Variants in ZFC3H1 observed in about 807,000 individuals in gnomAD.
ZFC3H1 encodes the protein zinc finger C3H1-type containing, also known as zinc finger C3H1 domain-containing protein.
ZFC3H1 carries 71 observed loss-of-function variants against 243.7 expected under a neutral mutation model. The observed-to-expected ratio is 0.29, with a 90% CI of 0.24 to 0.36. The LOEUF (loss-of-function observed/expected upper bound fraction) is 0.36, where lower values mean the gene tolerates loss of function less well. Ranked by LOEUF, ZFC3H1 falls within the 10% of genes least tolerant of loss-of-function variation. ZFC3H1 has a pLI of 1.00. For synonymous variants in ZFC3H1, 838 were observed against 813.0 expected, an observed-to-expected ratio of 1.03 and a Z score of -0.52; for missense variants, 1,966 against 2,317.1, an observed-to-expected ratio of 0.85 and a Z score of 3.11.
chr12:71,644,774 T>C (rs1880685972), intron 4 of ZFC3H1, 103 bp downstream of exon 4: 4 of 1,320,416 alleles, frequency 3.0e-6, no homozygotes, highest in Middle Eastern at 2.7e-4. Context: ...GCAAAGATCA[T>C]GCCACTGTAC....
At chr12:71,646,932 G>A (rs1476975625) in intron 3 of ZFC3H1, among the ~76,000 whole-genome samples, 1 of 152,170 alleles carries the variant, frequency 6.6e-6, no homozygotes, top group Non-Finnish European at 1.5e-5. Context: ...TAATTCCTAT[G>A]TAACTTTAGG....
At chr12:71,627,297 C>A (rs1290720904) in intron 21 of ZFC3H1, among the ~76,000 whole-genome samples, 1 of 151,980 alleles carries the variant, frequency 6.6e-6, no homozygotes, top group Non-Finnish European at 1.5e-5. Context: ...TTTAATATGA[C>A]AGAGACAGAA....
intron 7 of ZFC3H1, 80 bp from the exon 8 acceptor site, chr12:71,637,139 A>G: frequency 8.3e-7 from 1 of 1,198,764 alleles, no homozygotes; most frequent in Non-Finnish European, 1.2e-6. Flanking sequence ...ATTAAACTAG[A>G]AAAAAATAAA....
At position 71,636,621 on chromosome 12, in the gene ZFC3H1, G is replaced by A. The variant is rs1479817243; in HGVS notation, c.1969C>T (p.Pro657Ser). ...ACAGGATGTGAATTGTTCAGAACTG[G>A]AGGTGAAGGTGGGTCACTATTACTG... ...TSSNSDPPSP[P>S]VLNNSHPVPR... is the part of the protein sequence containing the mutation. Residue 657 changes from proline to serine, a missense_variant, in exon 9 of 35, where the codon CCA becomes TCA. Coordinates refer to ENST00000378743, the MANE Select transcript of ZFC3H1 (RefSeq NM_144982.5). The A allele has an allele frequency of 6.2e-7, 1 of 1,613,676 alleles. No individual in the cohort carries two copies. The highest frequency in any genetic ancestry group is 8.5e-7 in the Non-Finnish European group (1 of 1,179,830).
rs2137516643 is a variant in ZFC3H1 at position 71,616,747 on chromosome 12, G to C, written c.5145-1431C>G. ...GGAACAAGTCTTAATGAATTAGACGGGCTGTATGGGGGGCAAACACAAGAA... is the reference window on the plus strand; with the variant it reads ...GGAACAAGTCTTAATGAATTAGACGCGCTGTATGGGGGGCAAACACAAGAA... On this transcript the variant is annotated intron_variant, in intron 27 of 34. Coordinates refer to ENST00000378743, the MANE Select transcript of ZFC3H1 (RefSeq NM_144982.5). Among the ~76,000 whole-genome samples the C allele has an allele frequency of 1.3e-5, 2 of 152,192 alleles. 1 individual carries two copies. The highest frequency in any genetic ancestry group is 6.8e-3 in the Middle Eastern group (2 of 294).
In ZFC3H1 at chr12:71,663,466, G is replaced by C; in HGVS notation, c.145C>G (p.Leu49Val). Residue 49 changes from leucine to valine, a missense_variant, in exon 1 of 35, where the codon CTG (leucine) becomes GTG (valine). Around this residue, in one of 4 missense-constraint regions of ZFC3H1, gnomAD observed 484 missense variants for 449.7 expected, o/e 1.08. Transcript: ENST00000378743. The stretch of plus-strand genomic sequence containing the variant: ...GGCCTTCGCCGCGGATAGGGTAACA[G>C]CCCGCCGCCGCTGCTGCTGCTGCTG... ...RSSSSSSGGGLLPYPRRRPPH... is the reference protein window; with the variant it reads ...RSSSSSSGGGVLPYPRRRPPH... 1 of 1,612,566 alleles carries C rather than the reference G, an allele frequency of 6.2e-7. No homozygotes were observed. The highest frequency in any genetic ancestry group is 8.5e-7 in the Non-Finnish European group (1 of 1,180,028).
rs1161017758 is a variant in ZFC3H1, at chr12:71,620,077, G to C, written c.4898C>G (p.Pro1633Arg). 5.0e-6 allele frequency: 8 copies of C among 1,613,250 alleles called. No individual in the cohort carries two copies. The highest frequency in any genetic ancestry group is 6.8e-6 in the Non-Finnish European group (8 of 1,179,846). The change falls in exon 26 of 35, where the codon CCT becomes CGT. Residue 1633 changes from proline to arginine, a missense_variant. Pro to Arg is a moderately radical substitution (Grantham distance 103). This residue lies in a region of ZFC3H1 where 1,383 missense variants were observed against 1,723.7 expected (regional missense o/e 0.80). Transcript: ENST00000378743. ...AGCTTCCAGCAACTGGCAGTTAATA[G>C]GACATGATTCCAATAAAGATTTACA... The part of the protein sequence containing the change: ...ELCKSLLESC[P>R]INCQLLEALV...
chr12:71,663,373 G>A lies in ZFC3H1; in HGVS notation c.238C>T (p.Gln80Ter). 1 of 1,612,920 alleles carries A rather than the reference G, an allele frequency of 6.2e-7. No individual in the cohort carries two copies. Among genetic ancestry groups the A allele is most frequent in the Non-Finnish European group, 8.5e-7 (1 of 1,180,024 alleles). The change falls in exon 1 of 35, where the codon CAG becomes TAG. Residue 80 changes from glutamine (Q) to a stop codon, truncating the protein, a stop_gained. Coordinates refer to ENST00000378743, the MANE Select transcript of ZFC3H1 (RefSeq NM_144982.5). LOFTEE classifies it high-confidence loss of function. The part of the protein sequence containing the change: ...GGSSSSSSSS[Q>*]QQLRNFSRSR... ...CGTGAGAAATTCCTCAGCTGCTGCT[G>A]AGAAGAGGACGATGACGAGGAAGAG...
intron 2 of ZFC3H1, among the ~76,000 whole-genome samples, chr12:71,655,247 A>G (rs1880988262): frequency 6.6e-6 from 1 of 152,168 alleles, no homozygotes; most frequent in Non-Finnish European, 1.5e-5. Context: ...TTAGATATCA[A>G]TAAAAAATAC....
In ZFC3H1 at chr12:71,626,324, T is replaced by G. The variant is rs753976280; in HGVS notation, c.4253A>C (p.Asp1418Ala). The G allele has an allele frequency of 1.2e-6, 2 of 1,614,054 alleles. No individual in the cohort carries two copies. Among genetic ancestry groups the G allele is most frequent in the East Asian group, 2.2e-5 (1 of 44,866 alleles). ...LRLFSKRGTK[D>A]EVQEMCETAV... ...TGTTTCACACATTTCCTGCACCTCG[T>G]CCTTGGTTCCTCTTTTTGAGAACAA... Residue 1418 changes from aspartate (D) to alanine (A), a missense_variant, in exon 22 of 35, where the codon GAC becomes GCC. Physicochemically the swap from Asp to Ala is moderately radical, Grantham distance 126. Around this residue, in one of 4 missense-constraint regions of ZFC3H1, gnomAD observed 1,383 missense variants for 1,723.7 expected, o/e 0.80. Coordinates refer to ENST00000378743, the MANE Select transcript of ZFC3H1 (RefSeq NM_144982.5).
At chr12:71,645,749 G>A (rs987386630) in intron 3 of ZFC3H1, among the ~76,000 whole-genome samples, 2 of 152,210 alleles carry the variant, frequency 1.3e-5, no homozygotes, top group African/African-American at 4.8e-5. Context: ...AAAAGCAGAT[G>A]TCTGAGAACT....
rs762665257 is a variant in ZFC3H1 at position 71,614,665 on chromosome 12, G to T, written c.5396C>A (p.Ser1799Tyr). The T allele has an allele frequency of 5.0e-6, 8 of 1,611,324 alleles. No homozygotes were observed. The highest frequency in any genetic ancestry group is 6.8e-6 in the Non-Finnish European group (8 of 1,179,064). The change falls in exon 30 of 35, where the codon TCC becomes TAC. Residue 1799 changes from serine (S) to tyrosine (Y), a missense_variant. By Grantham distance (144) the Ser-to-Tyr change is moderately radical (BLOSUM62 -2). Around this residue, in one of 4 missense-constraint regions of ZFC3H1, gnomAD observed 1,383 missense variants for 1,723.7 expected, o/e 0.80. Coordinates refer to ENST00000378743, the MANE Select transcript of ZFC3H1 (RefSeq NM_144982.5). ...LVFANNRAAG[S>Y]RNKVQEFKFF... The stretch of plus-strand genomic sequence containing the variant: ...TTTGAATTCTTGAACTTTGTTTCTG[G>T]ATCCAGCAGCTCTATTATTTGCAAA...
Position 71,644,272 on chromosome 12 carries a change from T to C in ZFC3H1, c.1326A>G (p.Leu442=), listed in dbSNP as rs764764444. 2.1e-5 allele frequency: 34 copies of C among 1,613,316 alleles called. No homozygotes were observed. The highest frequency in any genetic ancestry group is 1.7e-5 in the Non-Finnish European group (20 of 1,179,706). ...RKQQTKAWKK[L]QQQKEQERQK... Reference sequence around the variant, plus strand: ...GTCTTTCCTGCTCTTTTTGTTGTTGTAGTTTCTTCCATGCCTTTGTTTGCT... The same window carrying C: ...GTCTTTCCTGCTCTTTTTGTTGTTGCAGTTTCTTCCATGCCTTTGTTTGCT... Residue 442 remains leucine (L), a synonymous_variant, in exon 5 of 35, where the codon CTA becomes CTG. Transcript: ENST00000378743.
intron 32 of ZFC3H1, 93 bp from the exon 33 acceptor site, chr12:71,611,190 A>T: frequency 4.7e-6 from 6 of 1,267,382 alleles, no homozygotes; most frequent in Non-Finnish European, 6.3e-6. Context: ...CTGGCAGAAT[A>T]CTGACTGTGG....
At position 71,663,109 on chromosome 12, in the gene ZFC3H1, C is replaced by A. The variant is rs369147047; in HGVS notation, c.502G>T (p.Gly168Cys). ...AGAGGAGGTCTGCACCCCGGCTTGC[C>A]TCCTCGCTCACCCACTCCTCGCCCC... ...SRGRGVGERG[G>C]KPGCRPPLGG... Residue 168 changes from glycine (G) to cysteine (C), a missense_variant, in exon 1 of 35, where the codon GGC (glycine) becomes TGC (cysteine). Transcript: ENST00000378743. 9.6e-5 allele frequency: 155 copies of A among 1,613,970 alleles called. No individual in the cohort carries two copies. Among genetic ancestry groups the A allele is most frequent in the Non-Finnish European group, 1.2e-4 (140 of 1,180,030 alleles).
chr12:71,633,235 A>G (rs752846385), intron 13 of ZFC3H1, 29 bp downstream of exon 13: 10 of 1,541,900 alleles, frequency 6.5e-6, no homozygotes, highest in Non-Finnish European at 7.8e-6. Context: ...TGTAGTAAAC[A>G]GGAGACTACA....
chr12:71,611,236 C>T, intron 32 of ZFC3H1, 139 bp from the exon 33 acceptor site: 1 of 823,166 alleles, frequency 1.2e-6, no homozygotes, highest in Non-Finnish European at 1.7e-6. Context: ...AGTTAACAGG[C>T]TAAACTTCCA....
At chr12:71,657,394 T>C (rs1168557899) in intron 1 of ZFC3H1, 93 bp from the exon 2 acceptor site, 2 of 968,430 alleles carry the variant, frequency 2.1e-6, no homozygotes, top group African/African-American at 1.7e-5. Context: ...TTCTCCCTTT[T>C]TAATTTTTCA....
Position 71,663,428 on chromosome 12 carries a change from G to A in ZFC3H1, c.183C>T (p.Ala61=), listed in dbSNP as rs370756599. The A allele has an allele frequency of 2.2e-5, 36 of 1,611,748 alleles. No homozygotes were observed. Among genetic ancestry groups the A allele is most frequent in the Non-Finnish European group, 3.1e-5 (36 of 1,180,042 alleles). Residue 61 remains alanine, a synonymous_variant, in exon 1 of 35, where the codon GCC becomes GCT. Transcript: ENST00000378743. ...PYPRRRPPHS[A]RGGGSGGGGG... ...CGCCTCCGCCAGATCCACCGCCCCG[G>A]GCCGAGTGAGGAGGCCTTCGCCGCG... is the stretch of plus-strand genomic sequence containing the variant.
Sources: gnomAD v4.1 joint callset for allele counts (sites outside exome capture counted in the v4.1 genomes callset) on GRCh38, gnomAD v4.1.1 for gene constraint, gnomAD v4.1.1 regional missense constraint, MANE v1.5 for transcripts, NCBI Gene and HGNC (gene_info 2026-07-23, HGNC 2026-07-21) for gene names.